ELP6: variants seen among roughly 807,000 people sequenced by gnomAD.
ELP6 encodes elongator acetyltransferase complex subunit 6.
ELP6 carries 23 observed loss-of-function variants against 28.1 expected under a neutral mutation model. The observed-to-expected ratio is 0.82, with a 90% CI of 0.59 to 1.16. The LOEUF (loss-of-function observed/expected upper bound fraction) is 1.16. Among genes scored for constraint, ELP6 ranks in the 50% most tolerant of loss-of-function variants. The probability of loss-of-function intolerance (pLI) is 0.00; values close to 1 mark genes in which losing one functional copy is unlikely to be tolerated. For synonymous variants in ELP6, 132 were observed against 135.8 expected, an observed-to-expected ratio of 0.97 and a Z score of 0.19; for missense variants, 313 against 334.6, an observed-to-expected ratio of 0.94 and a Z score of 0.50.
intron 5 of ELP6, among the ~76,000 whole-genome samples, chr3:47,501,155 T>C (rs555512031): frequency 5.3e-5 from 8 of 152,142 alleles, no homozygotes; most frequent in Non-Finnish European, 1.5e-5. Context: ...CCTTCTCTGT[T>C]CCCACTGCTG....
chr3:47,505,758 G>C (rs1357315642), intron 3 of ELP6, among the ~76,000 whole-genome samples: 5 of 152,176 alleles, frequency 3.3e-5, no homozygotes. Flanking sequence ...TTTTAGTAGA[G>C]ATGGGGTTTC....
chr3:47,504,492 A>C (rs752572991), intron 3 of ELP6, 44 bp from the exon 4 acceptor site: 2 of 1,548,408 alleles, frequency 1.3e-6, no homozygotes, highest in Admixed American at 3.8e-5. Context: ...TTGTAGGGGA[A>C]CCCATCAGAC....
intron 3 of ELP6, among the ~76,000 whole-genome samples, chr3:47,506,607 G>A (rs3959888): frequency 6.6e-6 from 1 of 152,198 alleles, no homozygotes; most frequent in Non-Finnish European, 1.5e-5. Context: ...TGTTCCGCCC[G>A]GCTCACCAGC....
chr3:47,513,630 AGT>A lies in ELP6; in HGVS notation c.-42_-41del. The A allele has an allele frequency of 6.2e-7, 1 of 1,611,992 alleles. No individual in the cohort carries two copies. The highest frequency in any genetic ancestry group is 8.5e-7 in the Non-Finnish European group (1 of 1,178,892). On this transcript the variant is annotated 5_prime_UTR_variant, in exon 1 of 7. Transcript: ENST00000296149. Reference sequence around the variant, plus strand: ...ACTAGCGCTCTGGAGGAGAACCCGGAGTGCTGCAGAGACGACGGAGGCTGGAG... The same window carrying A: ...ACTAGCGCTCTGGAGGAGAACCCGGAGCTGCAGAGACGACGGAGGCTGGAG...
chr3:47,506,650 T>C (rs972047717), intron 3 of ELP6, among the ~76,000 whole-genome samples: 3 of 152,258 alleles, frequency 2.0e-5, no homozygotes, highest in African/African-American at 4.8e-5. Context: ...TCTTGTTTCC[T>C]AAACATTGCT....
intron 1 of ELP6, 49 bp from the exon 2 acceptor site, chr3:47,511,275 C>A: frequency 6.3e-7 from 1 of 1,590,056 alleles, no homozygotes; most frequent in South Asian, 1.1e-5. Flanking sequence ...GGAAAGAGGT[C>A]AGCTTAGTGC....
chr3:47,510,103 A>C, intron 3 of ELP6, 81 bp downstream of exon 3: 1 of 1,194,946 alleles, frequency 8.4e-7, no homozygotes, highest in African/African-American at 1.5e-5. Context: ...TGTACAATGC[A>C]AACAGGAAAG....
chr3:47,503,518 G>T, intron 4 of ELP6: 1 of 999,082 alleles, frequency 1.0e-6, no homozygotes. Context: ...TCTATTTGTT[G>T]CTGTAGTGCA....
intron 6 of ELP6, 157 bp downstream of exon 6, chr3:47,498,129 C>A: frequency 7.3e-7 from 1 of 1,360,678 alleles, no homozygotes; most frequent in Admixed American, 2.2e-5. Context: ...CAATCTGGAG[C>A]AGGTCTATTA....
intron 2 of ELP6, 25 bp downstream of exon 2, chr3:47,511,123 T>C: frequency 6.3e-7 from 1 of 1,599,000 alleles, no homozygotes; most frequent in Non-Finnish European, 8.5e-7. Context: ...GGGTTTCTTT[T>C]CTACAGCATC....
chr3:47,512,199 T>C (rs1408752024), intron 1 of ELP6: 1 of 318,380 alleles, frequency 3.1e-6, no homozygotes, highest in Non-Finnish European at 4.5e-6. Flanking sequence ...AGTATCCTGG[T>C]TGCCTGGAGG....
At position 47,501,604 on chromosome 3, in the gene ELP6, TC is replaced by T. The variant is rs1708653340; in HGVS notation, c.525+45del. On this transcript the variant is annotated intron_variant, in intron 5 of 6. Transcript: ENST00000296149. ...AAGTGAGGTCTGGACCTGTCTGAGT[TC>T]TTGGAGGTCACAGGTGGGCGCAGAG... The T allele has an allele frequency of 3.2e-6, 5 of 1,585,304 alleles. No homozygotes were observed. In the African/African-American group the frequency reaches 5.4e-5, roughly 17 times the overall value.
At chr3:47,499,942 C>G (rs1212810731) in intron 5 of ELP6, 4 of 1,351,918 alleles carry the variant, frequency 3.0e-6, no homozygotes, top group Non-Finnish European at 3.9e-6. Flanking sequence ...CCTGCAGCTT[C>G]CGAGTCCTGG....
intron 4 of ELP6, 127 bp downstream of exon 4, chr3:47,504,203 A>C: frequency 8.7e-7 from 1 of 1,154,420 alleles, no homozygotes; most frequent in Non-Finnish European, 1.2e-6. Context: ...ACACCAGATG[A>C]AGTGTCTGAC....
At chr3:47,503,898 A>C (rs1708744448) in intron 4 of ELP6, among the ~76,000 whole-genome samples, 1 of 152,122 alleles carries the variant, frequency 6.6e-6, no homozygotes, top group Non-Finnish European at 1.5e-5. Flanking sequence ...CTCAACAACA[A>C]CAACAACAAA....
intron 5 of ELP6, chr3:47,500,178 T>G (rs1403937700): frequency 6.2e-6 from 7 of 1,124,412 alleles, no homozygotes; most frequent in Non-Finnish European, 7.7e-6. Context: ...CCATGTGTTA[T>G]TTTTGGGCAA....
intron 5 of ELP6, chr3:47,500,064 C>T (rs1260635372): frequency 3.1e-5 from 39 of 1,261,070 alleles, no homozygotes; most frequent in Non-Finnish European, 3.6e-5. Context: ...AAACCCTCAT[C>T]CCAGAGCAGT....
intron 6 of ELP6, among the ~76,000 whole-genome samples, chr3:47,497,583 C>T (rs949169710): frequency 2.6e-5 from 4 of 151,662 alleles, no homozygotes; most frequent in African/African-American, 7.3e-5. Context: ...GTGACCAGCC[C>T]GCCTCAGCCT....
intron 5 of ELP6, among the ~76,000 whole-genome samples, chr3:47,501,024 C>T (rs915899449): frequency 1.3e-5 from 2 of 152,186 alleles, no homozygotes; most frequent in Non-Finnish European, 2.9e-5. Context: ...GTGAGGTAGG[C>T]ACCACAGCCA....
Sources: gnomAD v4.1 joint callset for allele counts (sites outside exome capture counted in the v4.1 genomes callset) on GRCh38, gnomAD v4.1.1 for gene constraint, MANE v1.5 for transcripts, NCBI Gene and HGNC (gene_info 2026-07-23, HGNC 2026-07-21) for gene names.